Variants in WWTR1 observed in about 807,000 individuals in gnomAD.
The protein encoded by WWTR1 is WW domain containing transcription regulator 1, also known as WW domain-containing transcription regulator protein 1.
In WWTR1, 13 loss-of-function variants were observed where a neutral mutation model predicts 40.1. That is an observed-to-expected ratio of 0.32 (90% CI 0.21 to 0.52). The LOEUF (loss-of-function observed/expected upper bound fraction) is 0.52. Ranked by LOEUF, WWTR1 falls within the 20% of genes least tolerant of loss-of-function variation. WWTR1 has a pLI of 0.97. For synonymous variants in WWTR1, 230 were observed against 210.1 expected, an observed-to-expected ratio of 1.09 and a Z score of -0.82; for missense variants, 436 against 523.1, an observed-to-expected ratio of 0.83 and a Z score of 1.63.
intron 1 of WWTR1, among the ~76,000 whole-genome samples, chr3:149,695,794 A>AT (rs1553735127): frequency 1.4e-5 from 2 of 140,812 alleles, no homozygotes; most frequent in Non-Finnish European, 3.1e-5. Context: ...AAAAGAAAAA[A>AT]ATATATATAT....
intron 2 of WWTR1, among the ~76,000 whole-genome samples, chr3:149,663,293 C>T (rs73155031): frequency 0.39 from 59,182 of 151,604 alleles, 11,730 homozygotes; most frequent in Middle Eastern, 0.54. Flanking sequence ...GCTGGGATTA[C>T]AGATGTGAGC....
rs1237527926 is a variant in WWTR1 at position 149,711,161 on chromosome 3, TA to T, written n.584+6280del. Among the ~76,000 whole-genome samples, 701 of 114,928 alleles carry T rather than the reference TA, an allele frequency of 6.1e-3. 5 individuals carry two copies. Among genetic ancestry groups the T allele is most frequent in the African/African-American group, 0.017 (554 of 31,998 alleles). 75.4% of individuals were successfully genotyped at this position (114,928 alleles called of 152,430 possible). A position where few individuals can be genotyped will look rare whatever the true frequency, so the allele number is the denominator to read the frequency against. On this transcript the variant is annotated intron_variant and non_coding_transcript_variant, in intron 5 of 6. Transcript: ENST00000474080. ...GAAGCGTAGGGTTTCACACACTTGC[TA>T]AAAAAAAAAAAAAAAAAGGGAGGCT...
At chr3:149,720,685 C>T (rs1715734029) in intron 4 of WWTR1, among the ~76,000 whole-genome samples, 1 of 152,014 alleles carries the variant, frequency 6.6e-6, no homozygotes, top group African/African-American at 2.4e-5. Flanking sequence ...AGGAACCACA[C>T]TAAATCTGTA....
intron 2 of WWTR1, among the ~76,000 whole-genome samples, chr3:149,589,671 A>C (rs1738605493): frequency 6.6e-6 from 1 of 151,750 alleles, no homozygotes; most frequent in Non-Finnish European, 1.5e-5. Context: ...AATGGTGTTA[A>C]AATGAAAGGA....
At chr3:149,641,492 T>A (rs965206669) in intron 2 of WWTR1, among the ~76,000 whole-genome samples, 2 of 152,208 alleles carry the variant, frequency 1.3e-5, no homozygotes, top group African/African-American at 4.8e-5. Flanking sequence ...ACTGGGAAAT[T>A]TGAGTCCTTT....
At chr3:149,592,270 T>G (rs1009368747) in intron 2 of WWTR1, among the ~76,000 whole-genome samples, 9 of 152,244 alleles carry the variant, frequency 5.9e-5, no homozygotes, top group African/African-American at 2.2e-4. Flanking sequence ...TATGTGTAAC[T>G]TTTTTCACTT....
chr3:149,543,597 A>AAAAAAAAAAAAAAAAAAG (rs1736234823), intron 3 of WWTR1, among the ~76,000 whole-genome samples: 1 of 146,548 alleles, frequency 6.8e-6, no homozygotes, highest in Non-Finnish European at 1.5e-5. Flanking sequence ...AAAAAAAAAA[A>AAAAAAAAAAAAAAAAAAG]AAAAAAGAAC....
At chr3:149,679,545 T>C (rs1483841977) in intron 1 of WWTR1, among the ~76,000 whole-genome samples, 1 of 151,966 alleles carries the variant, frequency 6.6e-6, no homozygotes, top group Non-Finnish European at 1.5e-5. Flanking sequence ...TAGCACAGTA[T>C]AGATAAGTTA....
intron 4 of WWTR1, chr3:149,541,000 A>C (rs1010874397): frequency 2.2e-6 from 1 of 455,282 alleles, no homozygotes; most frequent in South Asian, 1.6e-5. Context: ...GTAGCTTTAA[A>C]AAAACAGCAT....
intron 3 of WWTR1, 58 bp downstream of exon 3, chr3:149,572,806 A>T: frequency 6.3e-7 from 1 of 1,577,778 alleles, no homozygotes; most frequent in Non-Finnish European, 8.6e-7. Flanking sequence ...ACAAAGGGAG[A>T]CCCCAACTCT....
chr3:149,600,856 T>G (rs572037271), intron 2 of WWTR1, among the ~76,000 whole-genome samples: 2 of 152,324 alleles, frequency 1.3e-5, no homozygotes, highest in South Asian at 4.1e-4. Context: ...AGGAAGCTCA[T>G]GCATTTTGTA....
intron 2 of WWTR1, among the ~76,000 whole-genome samples, chr3:149,664,085 T>A (rs927236492): frequency 1.3e-5 from 2 of 152,248 alleles, no homozygotes; most frequent in Non-Finnish European, 2.9e-5. Context: ...TTGGTCTGAA[T>A]GACTGATTTC....
At chr3:149,634,857 C>G (rs1176092032) in intron 2 of WWTR1, among the ~76,000 whole-genome samples, 1 of 152,240 alleles carries the variant, frequency 6.6e-6, no homozygotes, top group Non-Finnish European at 1.5e-5. Context: ...AGCTCACCCT[C>G]CAGACCCGGC....
At chr3:149,664,940 G>T (rs1278687035) in intron 2 of WWTR1, among the ~76,000 whole-genome samples, 1 of 151,948 alleles carries the variant, frequency 6.6e-6, no homozygotes, top group Non-Finnish European at 1.5e-5. Flanking sequence ...TAATGCATTT[G>T]GGCTAGAGAA....
rs1739603593 is a variant in WWTR1, at chr3:149,608,814, A to G, written c.432-35814T>C. ...CGCGCTATAATCTCAGCACTTTGGG[A>G]GGCCAAAGCAGGAGGACTGCTTGAG... On this transcript the variant is annotated intron_variant, in intron 2 of 6. Coordinates refer to ENST00000360632, the MANE Select transcript of WWTR1 (RefSeq NM_015472.6). Among the ~76,000 whole-genome samples the G allele has an allele frequency of 3.3e-5, 5 of 152,220 alleles. No individual in the cohort carries two copies. In the South Asian group the frequency reaches 1.0e-3, roughly 32 times the overall value.
At chr3:149,601,602 T>C (rs1284522237) in intron 2 of WWTR1, among the ~76,000 whole-genome samples, 2 of 152,170 alleles carry the variant, frequency 1.3e-5, no homozygotes, top group African/African-American at 2.4e-5. Flanking sequence ...TTCCTAATAC[T>C]TCTCTAAAAA....
At chr3:149,600,935 G>A (rs772130259) in intron 2 of WWTR1, among the ~76,000 whole-genome samples, 4 of 152,084 alleles carry the variant, frequency 2.6e-5, no homozygotes, top group Non-Finnish European at 5.9e-5. Context: ...TCATGTGGGT[G>A]AGCCCCCTTG....
rs188728597 is a variant in WWTR1 at position 149,589,414 on chromosome 3, C to G, written c.432-16414G>C. Among the ~76,000 whole-genome samples the G allele has an allele frequency of 6.5e-4, 99 of 152,266 alleles. No homozygotes were observed. The Middle Eastern group carries it at 0.017, about 26-fold the overall frequency. On this transcript the variant is annotated intron_variant, in intron 2 of 6. Coordinates refer to ENST00000360632, the MANE Select transcript of WWTR1 (RefSeq NM_015472.6). The stretch of plus-strand genomic sequence containing the variant: ...CTGTATTTTTCATTTTTAACCCCCA[C>G]GTTAATCATATATTCACAACAAATA...
chr3:149,576,389 T>C (rs1453221158), intron 2 of WWTR1: 4 of 274,894 alleles, frequency 1.5e-5, no homozygotes, highest in African/African-American at 4.4e-5. Context: ...TGCTGTCTCA[T>C]CTCTGCTCCC....
Sources: allele counts gnomAD v4.1 joint callset (sites outside exome capture counted in the v4.1 genomes callset), GRCh38; gene constraint gnomAD v4.1.1; transcripts MANE v1.5; gene names NCBI Gene and HGNC (gene_info 2026-07-23, HGNC 2026-07-21).